Variants in MS4A10 observed in about 807,000 individuals in gnomAD.
The protein encoded by MS4A10 is membrane spanning 4-domains A10.
In MS4A10, 27 loss-of-function variants were observed where a neutral mutation model predicts 27.7. The observed-to-expected ratio is 0.98, with a 90% CI of 0.72 to 1.35. MS4A10 has a LOEUF of 1.35. Ranked by LOEUF, MS4A10 falls within the 40% of genes most tolerant of loss-of-function variation. The probability of loss-of-function intolerance (pLI) is 0.00; values close to 1 mark genes in which losing one functional copy is unlikely to be tolerated. For synonymous variants in MS4A10, 139 were observed against 131.2 expected (o/e 1.06, Z -0.41); for missense variants, 338 against 324.7 (o/e 1.04, Z -0.32).
intron 6 of MS4A10, among the ~76,000 whole-genome samples, chr11:60,797,826 A>G (rs1854554828): frequency 6.6e-6 from 1 of 152,160 alleles, no homozygotes; most frequent in Non-Finnish European, 1.5e-5. Context: ...CATTTTAAAG[A>G]GGAAAAAATG....
rs1230142681 is a variant in MS4A10 at position 60,790,513 on chromosome 11, C to T, written c.178C>T (p.Leu60=). 2 of 1,613,900 alleles carry T rather than the reference C, an allele frequency of 1.2e-6. No homozygotes were observed. The highest frequency in any genetic ancestry group is 2.7e-5 in the African/African-American group (2 of 74,914). ...GAAGAAGAGCAGCCTTCTTAAGGAG[C>T]TGGGGGTGAGCATCCACTTCCCAGG... is the stretch of plus-strand genomic sequence containing the variant. The part of the protein sequence containing the change: ...SQKKSSLLKE[L]GAFHITIALL... Residue 60 remains leucine, a synonymous_variant, in exon 2 of 8, where the codon CTG becomes TTG. Transcript: ENST00000308287.
At chr11:60,791,333 A>T (rs1854427469) in intron 3 of MS4A10, among the ~76,000 whole-genome samples, 2 of 152,210 alleles carry the variant, frequency 1.3e-5, no homozygotes, top group Admixed American at 6.5e-5. Flanking sequence ...GAGGCTATCC[A>T]TTCTCCCATA....
chr11:60,799,960 C>G lies in MS4A10; in HGVS notation c.*51C>G. ...ACTTGGTTGGAGCATAGCCCCTGCT[C>G]TCCCAAAGTTGCACTTTCACTGGGA... On this transcript the variant is annotated 3_prime_UTR_variant, in exon 8 of 8. Transcript: ENST00000308287. The G allele has an allele frequency of 1.2e-6, 2 of 1,612,948 alleles. No individual in the cohort carries two copies. The highest frequency in any genetic ancestry group is 1.7e-6 in the Non-Finnish European group (2 of 1,179,248).
chr11:60,792,721 C>G (rs1854452214), intron 4 of MS4A10, among the ~76,000 whole-genome samples: 1 of 152,236 alleles, frequency 6.6e-6, no homozygotes, highest in South Asian at 2.1e-4. Context: ...AAGAGCCAGG[C>G]AGATGGAACG....
intron 6 of MS4A10, among the ~76,000 whole-genome samples, chr11:60,796,289 C>A (rs1211229824): frequency 6.6e-6 from 1 of 151,900 alleles, no homozygotes. Flanking sequence ...TCTCAATAAC[C>A]CTTTTTCTTT....
At chr11:60,790,857 G>C (rs1729178625) in intron 2 of MS4A10, 117 bp from the exon 3 acceptor site, 2 of 1,414,494 alleles carry the variant, frequency 1.4e-6, no homozygotes, top group South Asian at 1.4e-5. Context: ...CTGGTCTCTG[G>C]GATCCCTAAG....
rs1764474413 is a variant in MS4A10 at position 60,798,629 on chromosome 11, G to C, written c.722+115G>C. 5 of 776,710 alleles carry C rather than the reference G, an allele frequency of 6.4e-6. No homozygotes were observed. The South Asian group carries it at 6.6e-5, about 10-fold the overall frequency. 48.1% of individuals were successfully genotyped at this position (776,710 alleles called of 1,614,324 possible). A position where few individuals can be genotyped will look rare whatever the true frequency, so the allele number is the denominator to read the frequency against. ...AGCTGTAAGGGGCAAGGGGCTAACA[G>C]TGCTGCAGCTAGAACTGCCTGGCCT... On this transcript the variant is annotated intron_variant, in intron 7 of 7. Transcript: ENST00000308287.
chr11:60,787,715 G>A (rs1434621912), intron 1 of MS4A10, among the ~76,000 whole-genome samples: 1 of 151,820 alleles, frequency 6.6e-6, no homozygotes, highest in Non-Finnish European at 1.5e-5. Flanking sequence ...TAGACAATGA[G>A]AAAAAAAAGA....
chr11:60,790,731 TG>T (rs1177871214), intron 2 of MS4A10, among the ~76,000 whole-genome samples: 1 of 152,200 alleles, frequency 6.6e-6, no homozygotes, highest in East Asian at 1.9e-4. Flanking sequence ...GGCCCTGTCC[TG>T]GGGAGAATGG....
rs543706663 is a variant in MS4A10, at chr11:60,789,883, A to G, written c.-22-431A>G. Among the ~76,000 whole-genome samples, 11 of 152,334 alleles carry G rather than the reference A, an allele frequency of 7.2e-5. No homozygotes were observed. The East Asian group carries it at 2.1e-3, about 29-fold the overall frequency. On this transcript the variant is annotated intron_variant, in intron 1 of 7. Coordinates refer to ENST00000308287, the MANE Select transcript of MS4A10 (RefSeq NM_206893.4). ...CTCTCCAGGAGGCATGGGCACCACC[A>G]CAGGAGGTAGGACAATTATTTCCCA... is the stretch of plus-strand genomic sequence containing the variant.
intron 5 of MS4A10, 87 bp downstream of exon 5, chr11:60,794,190 A>T (rs1854483339): frequency 6.5e-7 from 1 of 1,540,536 alleles, no homozygotes; most frequent in Non-Finnish European, 8.9e-7. Flanking sequence ...GCTCACAGAA[A>T]GCCCCTCCTG....
chr11:60,787,409 A>G (rs1396136169), intron 1 of MS4A10, among the ~76,000 whole-genome samples: 1 of 152,112 alleles, frequency 6.6e-6, no homozygotes. Context: ...CGTACGAGAG[A>G]GTCATAACAA....
At position 60,789,684 on chromosome 11, in the gene MS4A10, G is replaced by T. The variant is rs568358115; in HGVS notation, c.-22-630G>T. Among the ~76,000 whole-genome samples, 17 of 152,272 alleles carry T rather than the reference G, an allele frequency of 1.1e-4. 1 individual carries two copies. The South Asian group carries it at 3.5e-3, about 32-fold the overall frequency. ...TCATCTGCAAAATGAGAGTGAGGAC[G>T]GTATTTACCTCATAGGGTTGGAATG... is the stretch of plus-strand genomic sequence containing the variant. On this transcript the variant is annotated intron_variant, in intron 1 of 7. Coordinates refer to ENST00000308287, the MANE Select transcript of MS4A10 (RefSeq NM_206893.4).
chr11:60,789,143 A>T (rs1006790711), intron 1 of MS4A10, among the ~76,000 whole-genome samples: 1 of 152,214 alleles, frequency 6.6e-6, no homozygotes, highest in Non-Finnish European at 1.5e-5. Context: ...GAAAATGTGG[A>T]TGCTCAATGG....
intron 5 of MS4A10, among the ~76,000 whole-genome samples, chr11:60,795,341 G>A (rs1197417247): frequency 6.6e-6 from 1 of 152,128 alleles, no homozygotes; most frequent in Admixed American, 6.5e-5. Context: ...AGACCCATAT[G>A]TGCCAGGCAT....
At chr11:60,790,911 G>T (rs908532953) in intron 2 of MS4A10, 63 bp from the exon 3 acceptor site, 34 of 1,600,246 alleles carry the variant, frequency 2.1e-5, no homozygotes, top group Non-Finnish European at 2.9e-5. Flanking sequence ...CAGGGCACTA[G>T]TGGCCTCAAT....
chr11:60,795,597 G>A lies in MS4A10; in HGVS notation c.535G>A (p.Val179Ile), dbSNP rs758898752. The change falls in exon 6 of 8, where the codon GTC (valine) becomes ATC (isoleucine). Residue 179 changes from valine to isoleucine, a missense_variant. By Grantham distance (29) the Val-to-Ile change is conservative. Coordinates refer to ENST00000308287, the MANE Select transcript of MS4A10 (RefSeq NM_206893.4). The part of the protein sequence containing the change: ...RLELALLCFT[V>I]LELFLPVPTA... ...GGAGCTGGCCTTGCTCTGCTTCACT[G>A]TCCTAGAGCTCTTCCTGCCAGTGCC... is the stretch of plus-strand genomic sequence containing the variant. 5.6e-6 allele frequency: 9 copies of A among 1,594,058 alleles called. No individual in the cohort carries two copies. Among genetic ancestry groups the A allele is most frequent in the Admixed American group, 1.7e-5 (1 of 57,622 alleles).
intron 1 of MS4A10, among the ~76,000 whole-genome samples, chr11:60,789,731 C>T (rs188024171): frequency 6.6e-6 from 1 of 152,102 alleles, no homozygotes; most frequent in Non-Finnish European, 1.5e-5. Context: ...AGGTAATGCA[C>T]GTAGAAGGTT....
intron 3 of MS4A10, 52 bp from the exon 4 acceptor site, chr11:60,792,213 G>T: frequency 6.9e-7 from 1 of 1,456,760 alleles, no homozygotes; most frequent in Non-Finnish European, 9.6e-7. Context: ...GGAATTTGTG[G>T]GTTTTGAGGA....
Sources: gnomAD v4.1 joint callset for allele counts (sites outside exome capture counted in the v4.1 genomes callset) on GRCh38, gnomAD v4.1.1 for gene constraint, MANE v1.5 for transcripts, NCBI Gene and HGNC (gene_info 2026-07-23, HGNC 2026-07-21) for gene names.